MYLK: variants seen among roughly 807,000 people sequenced by gnomAD.
MYLK encodes the protein myosin light chain kinase, smooth muscle.
In MYLK, 106 loss-of-function variants were observed where a neutral mutation model predicts 203.4. The ratio of observed to expected loss-of-function variants is 0.52; its 90% confidence interval spans 0.45 to 0.61. MYLK has a LOEUF of 0.61. MYLK is among the 20% of genes least tolerant of loss of function. The pLI, the probability that MYLK is intolerant of heterozygous loss-of-function variation, is 0.00. For missense variants in MYLK, 2,072 were observed against 2,442.3 expected (o/e 0.85, Z 3.20); for synonymous variants, 867 against 959.5 (o/e 0.90, Z 1.78).
At chr3:123,618,026 G>C (rs535585577) in intron 33 of MYLK, 1 of 157,462 alleles carries the variant, frequency 6.4e-6, no homozygotes, top group Admixed American at 6.2e-5. Context: ...CACTCTCTCT[G>C]TACCTGCCAG....
chr3:123,759,495 G>A (rs559680740), intron 4 of MYLK, among the ~76,000 whole-genome samples: 1 of 152,344 alleles, frequency 6.6e-6, no homozygotes, highest in Non-Finnish European at 1.5e-5. Flanking sequence ...GTTTGACGTG[G>A]TTTTGATTTG....
chr3:123,880,462 G>A (rs2033458746), intron 1 of MYLK, among the ~76,000 whole-genome samples: 1 of 152,084 alleles, frequency 6.6e-6, no homozygotes, highest in Non-Finnish European at 1.5e-5. Flanking sequence ...AGCGCCCAGA[G>A]CCAAGGGAAA....
intron 3 of MYLK, among the ~76,000 whole-genome samples, chr3:123,819,615 C>T (rs2109286348): frequency 6.6e-6 from 1 of 152,248 alleles, no homozygotes; most frequent in Middle Eastern, 3.4e-3. Flanking sequence ...ACTCCTTTCC[C>T]ATAGTCTTTA....
intron 15 of MYLK, among the ~76,000 whole-genome samples, chr3:123,708,238 G>A (rs2061540256): frequency 6.6e-6 from 1 of 152,188 alleles, no homozygotes; most frequent in African/African-American, 2.4e-5. Flanking sequence ...GTAAGGGGAG[G>A]TAGCCCAGAA....
intron 2 of MYLK, among the ~76,000 whole-genome samples, chr3:123,854,558 T>C (rs1054809859): frequency 6.6e-6 from 1 of 152,146 alleles, no homozygotes; most frequent in Non-Finnish European, 1.5e-5. Context: ...ATTTTTTCTT[T>C]CCAAAACATA....
chr3:123,637,758 G>A (rs1576393251), intron 29 of MYLK, among the ~76,000 whole-genome samples: 1 of 152,246 alleles, frequency 6.6e-6, no homozygotes, highest in South Asian at 2.1e-4. Context: ...CTTGGTGCCA[G>A]CCACATTTCC....
rs1576361264 is a variant in MYLK, at chr3:123,629,206, G to A, written c.5114+268C>T. Among the ~76,000 whole-genome samples, 1 of 152,186 alleles carries A rather than the reference G, an allele frequency of 6.6e-6. No homozygotes were observed. Among genetic ancestry groups the A allele is most frequent in the Non-Finnish European group, 1.5e-5 (1 of 68,030 alleles). On this transcript the variant is annotated intron_variant, in intron 30 of 33. Coordinates refer to ENST00000360304, the MANE Select transcript of MYLK (RefSeq NM_053025.4). This position sits in a 1 kb window ranked among gnomAD's most constrained non-coding sequence, Gnocchi z 4.4. Reference sequence around the variant, plus strand: ...CAGCTGCCCCTTGCTCTGTAACGTGGTCAAGTGTCGCTTTTCAAGTCAGGT... The same window carrying A: ...CAGCTGCCCCTTGCTCTGTAACGTGATCAAGTGTCGCTTTTCAAGTCAGGT...
At chr3:123,674,911 A>C (rs1363161967) in intron 20 of MYLK, among the ~76,000 whole-genome samples, 1 of 152,254 alleles carries the variant, frequency 6.6e-6, no homozygotes, top group Non-Finnish European at 1.5e-5. Context: ...CCTGTCCCCA[A>C]CATGGACACA....
intron 18 of MYLK, among the ~76,000 whole-genome samples, chr3:123,693,259 G>C (rs1209957246): frequency 6.6e-6 from 1 of 152,200 alleles, no homozygotes; most frequent in Non-Finnish European, 1.5e-5. Context: ...CCTGTGTTAG[G>C]AACAGTGACA....
chr3:123,733,916 G>A lies in MYLK; in HGVS notation c.1080C>T (p.Gly360=), dbSNP rs1219889933. ...CTCCAGAAGGTGATAGGACCCCCAG[G>A]CCTGGTGCTCTTGGTTCCGGCTGAA... ...ARVQPEPRAP[G]LGVLSPSGEE... is the part of the protein sequence containing the mutation. The change falls in exon 10 of 34, where the codon GGC becomes GGT. Residue 360 remains glycine, a synonymous_variant. Coordinates refer to ENST00000360304, the MANE Select transcript of MYLK (RefSeq NM_053025.4). The A allele has an allele frequency of 1.2e-6, 2 of 1,614,198 alleles. No homozygotes were observed. Among genetic ancestry groups the A allele is most frequent in the Non-Finnish European group, 8.5e-7 (1 of 1,180,044 alleles).
At chr3:123,632,633 G>C (rs1053348680) in intron 29 of MYLK, among the ~76,000 whole-genome samples, 2 of 152,102 alleles carry the variant, frequency 1.3e-5, no homozygotes, top group Non-Finnish European at 2.9e-5. Flanking sequence ...TCCTATTAAA[G>C]AGCATGTGTC....
intron 18 of MYLK, among the ~76,000 whole-genome samples, chr3:123,693,833 A>G (rs2060789952): frequency 6.6e-6 from 1 of 152,194 alleles, no homozygotes; most frequent in Admixed American, 6.5e-5. Context: ...CAGATGCACA[A>G]ACAAGTAAAT....
chr3:123,694,143 T>C (rs1236175681), intron 18 of MYLK, among the ~76,000 whole-genome samples: 2 of 152,222 alleles, frequency 1.3e-5, no homozygotes, highest in African/African-American at 4.8e-5. Context: ...GGGTGTAATA[T>C]TCCCCTTTAC....
At chr3:123,620,167 C>T (rs2057772481) in intron 32 of MYLK, 40 bp downstream of exon 32, 6 of 1,577,044 alleles carry the variant, frequency 3.8e-6, no homozygotes, top group Non-Finnish European at 5.2e-6. Context: ...TTCCCCAGCC[C>T]TTTCTTTCTC....
At chr3:123,745,101 G>A (rs939721890) in intron 5 of MYLK, among the ~76,000 whole-genome samples, 40 of 152,162 alleles carry the variant, frequency 2.6e-4, no homozygotes, top group African/African-American at 8.9e-4. Context: ...CCCTCTAAAT[G>A]ATGACCATTT....
chr3:123,804,887 G>T (rs2065315352), intron 3 of MYLK, among the ~76,000 whole-genome samples: 1 of 152,136 alleles, frequency 6.6e-6, no homozygotes, highest in African/African-American at 2.4e-5. Flanking sequence ...TTCTGTGTGT[G>T]TCCTCCTTTC....
chr3:123,683,995 C>T (rs2060362106), intron 19 of MYLK, among the ~76,000 whole-genome samples: 1 of 152,194 alleles, frequency 6.6e-6, no homozygotes, highest in Non-Finnish European at 1.5e-5. Context: ...CCTCAGGAGG[C>T]TGCCTGTAAC....
intron 2 of MYLK, among the ~76,000 whole-genome samples, chr3:123,835,228 C>A (rs2066445650): frequency 6.6e-6 from 1 of 152,164 alleles, no homozygotes; most frequent in African/African-American, 2.4e-5. Flanking sequence ...GGCTGAGAAA[C>A]CTGCGTATTG....
chr3:123,617,046 C>T (rs2057538977), intron 33 of MYLK: 1 of 151,958 alleles, frequency 6.6e-6, no homozygotes, highest in African/African-American at 2.4e-5. Flanking sequence ...TTAGGAACAC[C>T]CAGACCATGA....
Sources: allele counts gnomAD v4.1 joint callset (sites outside exome capture counted in the v4.1 genomes callset), GRCh38; gene constraint gnomAD v4.1.1; non-coding constraint Gnocchi (gnomAD v3.1); transcripts MANE v1.5; gene names NCBI Gene and HGNC (gene_info 2026-07-23, HGNC 2026-07-21).